Variants in IGSF11 observed in about 807,000 individuals in gnomAD.
IGSF11 encodes the protein immunoglobulin superfamily member 11.
In IGSF11, 22 loss-of-function variants were observed where a neutral mutation model predicts 41.0. The ratio of observed to expected loss-of-function variants is 0.54; its 90% confidence interval spans 0.38 to 0.77. IGSF11 has a LOEUF of 0.77. Ranked by LOEUF, IGSF11 falls within the 30% of genes least tolerant of loss-of-function variation. The probability of loss-of-function intolerance (pLI) is 0.00; values close to 1 mark genes in which losing one functional copy is unlikely to be tolerated. For missense variants in IGSF11, 444 were observed against 530.8 expected (o/e 0.84, Z 1.61); for synonymous variants, 219 against 201.3 (o/e 1.09, Z -0.74).
Position 119,074,643 on chromosome 3 carries a change from C to G in IGSF11, c.49+30501G>C, listed in dbSNP as rs530493327. On this transcript the variant is annotated intron_variant, in intron 1 of 6. Coordinates refer to the IGSF11 transcript ENST00000354673. Reference sequence around the variant, plus strand: ...GGCCGAGGCAGGTGGATCACAAGGTCAGGGGATTGAGACTATCCTGTGAAT... The same window carrying G: ...GGCCGAGGCAGGTGGATCACAAGGTGAGGGGATTGAGACTATCCTGTGAAT... Among the ~76,000 whole-genome samples, 5 of 151,202 alleles carry G rather than the reference C, an allele frequency of 3.3e-5. No homozygotes were observed. The South Asian group carries it at 1.1e-3, about 32-fold the overall frequency.
intron 1 of IGSF11, among the ~76,000 whole-genome samples, chr3:119,095,848 G>A (rs1009198779): frequency 1.3e-5 from 2 of 152,180 alleles, no homozygotes; most frequent in Non-Finnish European, 2.9e-5. Flanking sequence ...CCAACCCTGA[G>A]AATGGCTTAG....
intron 1 of IGSF11, among the ~76,000 whole-genome samples, chr3:119,079,850 A>G (rs2076560241): frequency 6.6e-6 from 1 of 152,202 alleles, no homozygotes; most frequent in South Asian, 2.1e-4. Flanking sequence ...TAGGGACACA[A>G]AACAGGGAAC....
At chr3:119,111,089 G>T (rs540228773) in intron 1 of IGSF11, among the ~76,000 whole-genome samples, 20 of 152,022 alleles carry the variant, frequency 1.3e-4, no homozygotes, top group Non-Finnish European at 2.6e-4. Flanking sequence ...TCTTCTCGAG[G>T]AGTATCTTTA....
At chr3:119,119,027 A>G (rs2077297404) in intron 1 of IGSF11, among the ~76,000 whole-genome samples, 1 of 152,304 alleles carries the variant, frequency 6.6e-6, no homozygotes, top group East Asian at 1.9e-4. Flanking sequence ...CCATTCAACA[A>G]GTCTCTAAAA....
chr3:119,019,188 G>T (rs577261577), intron 1 of IGSF11, among the ~76,000 whole-genome samples: 1 of 151,864 alleles, frequency 6.6e-6, no homozygotes, highest in Non-Finnish European at 1.5e-5. Flanking sequence ...GTCAAAATTG[G>T]TGCATCTGGC....
intron 1 of IGSF11, among the ~76,000 whole-genome samples, chr3:119,144,317 C>T (rs1182833790): frequency 3.9e-5 from 6 of 152,128 alleles, no homozygotes; most frequent in Middle Eastern, 3.2e-3. Flanking sequence ...TTAGACCTAA[C>T]GCATATGAAG....
At chr3:119,099,541 A>G (rs1327361212) in intron 1 of IGSF11, among the ~76,000 whole-genome samples, 1 of 152,250 alleles carries the variant, frequency 6.6e-6, no homozygotes, top group Non-Finnish European at 1.5e-5. Context: ...TCAACAAAAA[A>G]ATAAGAGAAA....
intron 1 of IGSF11, among the ~76,000 whole-genome samples, chr3:119,101,750 T>C (rs951761683): frequency 6.6e-6 from 1 of 152,238 alleles, no homozygotes; most frequent in Non-Finnish European, 1.5e-5. Context: ...CAAATATATC[T>C]GTGGGCTAAC....
chr3:119,142,372 A>C (rs989691027), intron 1 of IGSF11, among the ~76,000 whole-genome samples: 1 of 152,020 alleles, frequency 6.6e-6, no homozygotes, highest in African/African-American at 2.4e-5. Context: ...CAAACTGTCC[A>C]GACTTTACCT....
chr3:119,128,674 G>A (rs1003878354), intron 1 of IGSF11, among the ~76,000 whole-genome samples: 3 of 152,098 alleles, frequency 2.0e-5, no homozygotes, highest in Non-Finnish European at 2.9e-5. Context: ...TAATGGTAAA[G>A]GGAACAATTC....
chr3:119,127,826 A>G (rs1233210618), intron 1 of IGSF11, among the ~76,000 whole-genome samples: 3 of 152,228 alleles, frequency 2.0e-5, no homozygotes, highest in African/African-American at 4.8e-5. Flanking sequence ...CAAAGGATAA[A>G]TAAAATCCTT....
At chr3:119,056,852 A>G (rs112510537) in intron 1 of IGSF11, among the ~76,000 whole-genome samples, 3,369 of 152,372 alleles carry the variant, frequency 0.022, 61 homozygotes, top group Admixed American at 0.052. Context: ...CAGCATATAA[A>G]CAGAACCAAA....
chr3:118,933,795 A>G (rs2107541389), intron 1 of IGSF11, among the ~76,000 whole-genome samples: 1 of 152,256 alleles, frequency 6.6e-6, no homozygotes, highest in Non-Finnish European at 1.5e-5. Flanking sequence ...ACTTTTACGT[A>G]AAGGAGTTAG....
intron 1 of IGSF11, among the ~76,000 whole-genome samples, chr3:119,071,819 A>ATG (rs748511734): frequency 8.5e-5 from 13 of 152,146 alleles, no homozygotes; most frequent in Non-Finnish European, 1.9e-4. Flanking sequence ...CTGGGCCTTC[A>ATG]TGATATCCAT....
At chr3:119,009,378 G>A (rs531237713) in intron 1 of IGSF11, among the ~76,000 whole-genome samples, 7 of 152,200 alleles carry the variant, frequency 4.6e-5, no homozygotes, top group South Asian at 4.1e-4. Flanking sequence ...TAATCCCCAC[G>A]TGTCAAGGGA....
At chr3:119,048,312 G>A (rs866032477) in intron 1 of IGSF11, among the ~76,000 whole-genome samples, 2 of 151,338 alleles carry the variant, frequency 1.3e-5, no homozygotes, top group Non-Finnish European at 2.9e-5. Context: ...ATGATAAAGG[G>A]GATATCACCA....
rs147095752 is a variant in IGSF11, at chr3:119,130,492, G to C, written c.-14+15321C>G. Among the ~76,000 whole-genome samples the C allele has an allele frequency of 3.0e-3, 461 of 152,338 alleles. 1 individual carries two copies. The highest frequency in any genetic ancestry group is 7.2e-3 in the South Asian group (35 of 4,830). On this transcript the variant is annotated intron_variant, in intron 1 of 7. Coordinates refer to the IGSF11 transcript ENST00000425327. Reference sequence around the variant, plus strand: ...TCTGAGATGGAATTGCAAGGCTGCAGCCTGGCGGGGGGAGGGGCATCCACA... The same window carrying C: ...TCTGAGATGGAATTGCAAGGCTGCACCCTGGCGGGGGGAGGGGCATCCACA...
intron 1 of IGSF11, among the ~76,000 whole-genome samples, chr3:119,045,227 A>T (rs146781364): frequency 6.6e-6 from 1 of 152,314 alleles, no homozygotes; most frequent in East Asian, 1.9e-4. Flanking sequence ...TTTCCATCTG[A>T]GGTACCGGGT....
At position 118,989,376 on chromosome 3, in the gene IGSF11, T is replaced by C. The variant is rs531950762; in HGVS notation, c.52+45155A>G. On this transcript the variant is annotated intron_variant, in intron 1 of 6. Coordinates refer to ENST00000393775, the MANE Select transcript of IGSF11 (RefSeq NM_001015887.3). ...TATAGCATTTTTTTTTTTTTGAGACTGAGTCTCGCTCTGTCACCCAGGCTG... is the reference window on the plus strand; with the variant it reads ...TATAGCATTTTTTTTTTTTTGAGACCGAGTCTCGCTCTGTCACCCAGGCTG... Among the ~76,000 whole-genome samples the C allele has an allele frequency of 1.9e-3, 286 of 151,230 alleles. 1 individual carries two copies. Among genetic ancestry groups the C allele is most frequent in the Non-Finnish European group, 2.9e-3 (198 of 67,834 alleles).
Sources: gnomAD v4.1 joint callset for allele counts (sites outside exome capture counted in the v4.1 genomes callset) on GRCh38, gnomAD v4.1.1 for gene constraint, MANE v1.5 for transcripts, NCBI Gene and HGNC (gene_info 2026-07-23, HGNC 2026-07-21) for gene names.